The following UBE2V2 variants were observed in gnomAD, a reference collection of about 807,000 sequenced individuals.
The protein encoded by UBE2V2 is ubiquitin conjugating enzyme E2 V2, also known as ubiquitin-conjugating enzyme E2 variant 2.
Under a neutral mutation model 17.2 loss-of-function variants are expected in UBE2V2, and 9 were observed. The observed-to-expected ratio is 0.52, with a 90% CI of 0.32 to 0.91. UBE2V2 has a LOEUF of 0.91. Ranked by LOEUF, UBE2V2 falls within the 40% of genes least tolerant of loss-of-function variation. The pLI, the probability that UBE2V2 is intolerant of heterozygous loss-of-function variation, is 0.04. For missense variants in UBE2V2, 133 were observed against 182.6 expected (o/e 0.73, Z 1.56); for synonymous variants, 61 against 57.5 (o/e 1.06, Z -0.28).
chr8:48,008,679 C>A, intron 1 of UBE2V2: 1 of 487,182 alleles, frequency 2.1e-6, no homozygotes, highest in Non-Finnish European at 2.8e-6. Flanking sequence ...GCTCGCGCGT[C>A]GGCCGCGCGC....
chr8:48,029,755 A>G (rs2091370367), intron 1 of UBE2V2, among the ~76,000 whole-genome samples: 1 of 152,174 alleles, frequency 6.6e-6, no homozygotes, highest in South Asian at 2.1e-4. Flanking sequence ...TACTTATGTT[A>G]TTGAGAAGTC....
At chr8:48,030,340 A>G (rs1268139272) in intron 1 of UBE2V2, among the ~76,000 whole-genome samples, 1 of 152,252 alleles carries the variant, frequency 6.6e-6, no homozygotes, top group Non-Finnish European at 1.5e-5. Context: ...GTGTTTATCA[A>G]GTGCCTGTTG....
chr8:48,004,759 G>A (rs539182642), upstream of UBE2V2, among the ~76,000 whole-genome samples: 1 of 151,888 alleles, frequency 6.6e-6, no homozygotes. Context: ...TTGAATTCCC[G>A]ACCTTGTGAT....
chr8:48,015,141 G>T (rs1200349691), intron 1 of UBE2V2, among the ~76,000 whole-genome samples: 1 of 152,006 alleles, frequency 6.6e-6, no homozygotes, highest in Non-Finnish European at 1.5e-5. Context: ...ACTTTGGGAG[G>T]TCGAGGTGGG....
chr8:48,032,726 C>A (rs879263320), intron 1 of UBE2V2, among the ~76,000 whole-genome samples: 2 of 152,058 alleles, frequency 1.3e-5, no homozygotes, highest in Non-Finnish European at 2.9e-5. Context: ...GTCCCTGTCT[C>A]AAAACAAACA....
rs978086942 is a variant in UBE2V2 at position 48,064,561 on chromosome 8, T to C, written c.*3733T>C. ...CCATAGTTCATACTGAAAATGTTGT[T>C]TATTTAAAAGTATTGTGGAGTGTTG... On this transcript the variant is annotated 3_prime_UTR_variant, in exon 4 of 4. Transcript: ENST00000523111. 3.3e-5 allele frequency: 5 copies of C among 152,200 alleles called. No individual in the cohort carries two copies. The highest frequency in any genetic ancestry group is 2.0e-4 in the Admixed American group (3 of 15,260). The allele number at this position is 152,200 out of a possible 1,614,324, so 9.4% of individuals were successfully genotyped here.
At chr8:48,052,978 C>T (rs1404051749) in intron 3 of UBE2V2, among the ~76,000 whole-genome samples, 2 of 152,042 alleles carry the variant, frequency 1.3e-5, no homozygotes, top group Non-Finnish European at 2.9e-5. Flanking sequence ...CATGATCTCG[C>T]TCACTGCAAC....
intron 1 of UBE2V2, among the ~76,000 whole-genome samples, chr8:48,017,298 C>T (rs1417373124): frequency 4.6e-5 from 7 of 151,438 alleles, no homozygotes; most frequent in African/African-American, 1.5e-4. Context: ...GAATGGAGTT[C>T]CTTATATATT....
chr8:48,014,520 C>T (rs1217831744), intron 1 of UBE2V2, among the ~76,000 whole-genome samples: 2 of 151,602 alleles, frequency 1.3e-5, no homozygotes, highest in Non-Finnish European at 2.9e-5. Flanking sequence ...TGATGGGCGC[C>T]TGTAGTCCCA....
chr8:48,030,651 G>A (rs1267080776), intron 1 of UBE2V2, among the ~76,000 whole-genome samples: 1 of 152,174 alleles, frequency 6.6e-6, no homozygotes, highest in African/African-American at 2.4e-5. Context: ...AGCCTGGGAG[G>A]TGGAGGTTGC....
chr8:48,048,664 AACAT>A (rs1370949814), intron 2 of UBE2V2, among the ~76,000 whole-genome samples: 1 of 152,122 alleles, frequency 6.6e-6, no homozygotes, highest in Non-Finnish European at 1.5e-5. Context: ...AATATTTAAT[AACAT>A]ACATATAACA....
chr8:48,031,780 C>G (rs879495868), intron 1 of UBE2V2, among the ~76,000 whole-genome samples: 13 of 151,934 alleles, frequency 8.6e-5, no homozygotes, highest in Non-Finnish European at 1.3e-4. Context: ...CTCAGCCTCC[C>G]GAGTAGAGGT....
intron 1 of UBE2V2, among the ~76,000 whole-genome samples, chr8:48,021,092 T>A (rs1194015767): frequency 1.3e-5 from 2 of 151,108 alleles, no homozygotes; most frequent in African/African-American, 4.9e-5. Flanking sequence ...TTTTTTTTTT[T>A]TTAAGATGGA....
intron 3 of UBE2V2, among the ~76,000 whole-genome samples, chr8:48,056,925 A>G (rs1363622166): frequency 1.3e-5 from 2 of 151,692 alleles, no homozygotes; most frequent in Non-Finnish European, 2.9e-5. Flanking sequence ...GGGTTTTACC[A>G]TGTTGGCCAG....
At chr8:48,027,319 A>G (rs1321986118) in intron 1 of UBE2V2, among the ~76,000 whole-genome samples, 2 of 152,100 alleles carry the variant, frequency 1.3e-5, no homozygotes, top group Admixed American at 6.6e-5. Context: ...AGACCATTTT[A>G]TATTCCTACC....
At chr8:48,008,571 A>G in intron 1 of UBE2V2, 101 bp downstream of exon 1, 2 of 1,460,532 alleles carry the variant, frequency 1.4e-6, no homozygotes, top group South Asian at 2.6e-5. Context: ...GAGAAGCCCG[A>G]GTGCGCTGTC....
chr8:48,014,155 T>A (rs575084799), intron 1 of UBE2V2, among the ~76,000 whole-genome samples: 1 of 152,334 alleles, frequency 6.6e-6, no homozygotes, highest in East Asian at 1.9e-4. Context: ...TTTGGGAGCC[T>A]GAATTCTCTT....
At position 48,047,189 on chromosome 8, in the gene UBE2V2, C is replaced by G. The variant is rs150268545; in HGVS notation, c.166-2664C>G. On this transcript the variant is annotated intron_variant, in intron 2 of 3. Coordinates refer to ENST00000523111, the MANE Select transcript of UBE2V2 (RefSeq NM_003350.3). ...CTCCCAACCTCAGGTGATCCACTCC[C>G]TTCGGCCTCCCAAAGTGTTAGGATT... is the stretch of plus-strand genomic sequence containing the variant. 6.1e-3 allele frequency among the ~76,000 whole-genome samples: 933 copies of G among 152,224 alleles called. 12 individuals are homozygous for G. The highest frequency in any genetic ancestry group is 0.022 in the African/African-American group (904 of 41,546).
chr8:48,008,321 C>A (rs1021517107), upstream of UBE2V2: 2 of 1,234,202 alleles, frequency 1.6e-6, no homozygotes, highest in Non-Finnish European at 2.1e-6. Context: ...CCCACGTGCG[C>A]GCTGTCCCTC....
Sources: allele counts gnomAD v4.1 joint callset (sites outside exome capture counted in the v4.1 genomes callset), GRCh38; gene constraint gnomAD v4.1.1; transcripts MANE v1.5; gene names NCBI Gene and HGNC (gene_info 2026-07-23, HGNC 2026-07-21).